The following HDAC9 variants were observed in gnomAD, a reference collection of about 807,000 sequenced individuals.
HDAC9 encodes histone deacetylase 9, also known as MEF-2 interacting transcription repressor (MITR) protein.
Under a neutral mutation model 139.4 loss-of-function variants are expected in HDAC9, and 41 were observed. That is an observed-to-expected ratio of 0.29 (90% confidence interval 0.23 to 0.38). HDAC9 has a LOEUF of 0.38. HDAC9 is among the 10% of genes least tolerant of loss of function. HDAC9 has a pLI of 1.00. For missense variants in HDAC9, 1,147 were observed against 1,297.0 expected (o/e 0.88, Z 1.78); for synonymous variants, 517 against 476.2 (o/e 1.09, Z -1.12).
At chr7:18,138,893 A>G (rs1355737987) in intron 1 of HDAC9, among the ~76,000 whole-genome samples, 1 of 152,118 alleles carries the variant, frequency 6.6e-6, no homozygotes, top group East Asian at 1.9e-4. Flanking sequence ...GGCACTCTAG[A>G]ATAATGATTC....
intron 2 of HDAC9, among the ~76,000 whole-genome samples, chr7:18,506,779 T>C (rs1799904031): frequency 6.6e-6 from 1 of 152,198 alleles, no homozygotes; most frequent in African/African-American, 2.4e-5. Flanking sequence ...ATACTGTCAT[T>C]ATAATGCACT....
chr7:18,947,821 AAT>A (rs1188721265), intron 23 of HDAC9, among the ~76,000 whole-genome samples: 1 of 152,014 alleles, frequency 6.6e-6, no homozygotes, highest in African/African-American at 2.4e-5. Context: ...ATTATAAGAG[AAT>A]ATTTCTCATA....
intron 22 of HDAC9, among the ~76,000 whole-genome samples, chr7:18,875,486 T>G (rs1021073285): frequency 3.2e-4 from 48 of 152,230 alleles, no homozygotes; most frequent in African/African-American, 1.1e-3. Flanking sequence ...ATCAAAGAAA[T>G]AGCGTCATGC....
chr7:18,630,715 C>T (rs144298677), intron 7 of HDAC9, among the ~76,000 whole-genome samples: 8 of 152,040 alleles, frequency 5.3e-5, no homozygotes, highest in South Asian at 4.2e-4. Flanking sequence ...CTAATTTAGA[C>T]GAATTGAATT....
At chr7:18,090,187 A>T (rs1782055196) in intron 1 of HDAC9, among the ~76,000 whole-genome samples, 1 of 152,218 alleles carries the variant, frequency 6.6e-6, no homozygotes, top group African/African-American at 2.4e-5. Context: ...ACGTTACACC[A>T]TAGTGAATCA....
chr7:18,318,341 T>A (rs553722302), intron 1 of HDAC9, among the ~76,000 whole-genome samples: 3 of 152,210 alleles, frequency 2.0e-5, no homozygotes, highest in Non-Finnish European at 4.4e-5. Flanking sequence ...ATGAAATCCT[T>A]TCCATCTTGG....
At chr7:18,904,736 C>T (rs1054163542) in intron 22 of HDAC9, among the ~76,000 whole-genome samples, 2 of 151,704 alleles carry the variant, frequency 1.3e-5, no homozygotes, top group African/African-American at 2.4e-5. Flanking sequence ...CCACCACGCC[C>T]GGCTAATTTT....
At chr7:18,798,993 G>A (rs12531908) in intron 17 of HDAC9, among the ~76,000 whole-genome samples, 97,794 of 150,680 alleles carry the variant, frequency 0.65, 32,525 homozygotes, top group Non-Finnish European at 0.72. Flanking sequence ...GTGAAGGTCC[G>A]GGTAGAGTTG....
At chr7:18,261,711 A>C (rs912218480) in intron 2 of HDAC9, among the ~76,000 whole-genome samples, 4 of 152,234 alleles carry the variant, frequency 2.6e-5, no homozygotes, top group African/African-American at 9.6e-5. Flanking sequence ...ATTAACACCA[A>C]GAAGATAAAT....
chr7:18,691,415 C>T (rs1782665348), intron 12 of HDAC9, among the ~76,000 whole-genome samples: 1 of 151,886 alleles, frequency 6.6e-6, no homozygotes, highest in Non-Finnish European at 1.5e-5. Context: ...CATTTAAGTA[C>T]CAAAGAGTAG....
At chr7:18,987,528 C>G (rs906543001) in intron 25 of HDAC9, among the ~76,000 whole-genome samples, 33 of 152,148 alleles carry the variant, frequency 2.2e-4, no homozygotes, top group South Asian at 8.3e-4. Flanking sequence ...CTAAAATTCT[C>G]TTTTTTGGTT....
intron 22 of HDAC9, among the ~76,000 whole-genome samples, chr7:18,909,866 G>T (rs1802591797): frequency 1.3e-5 from 2 of 151,988 alleles, no homozygotes; most frequent in Admixed American, 6.6e-5. Context: ...TAGGCTTGTA[G>T]TATATTTTGA....
At chr7:18,622,569 G>A (rs984898685) in intron 6 of HDAC9, among the ~76,000 whole-genome samples, 4 of 151,968 alleles carry the variant, frequency 2.6e-5, no homozygotes, top group East Asian at 1.9e-4. Context: ...TGATCTGCCC[G>A]CCTTGGCCTC....
Position 18,110,416 on chromosome 7 carries a change from C to T in HDAC9, c.-97+23203C>T, listed in dbSNP as rs529260328. On this transcript the variant is annotated intron_variant, in intron 1 of 12. Coordinates refer to the HDAC9 transcript ENST00000417496. The stretch of plus-strand genomic sequence containing the variant: ...TCAAGAAAAGTGGCAAGGATACTTA[C>T]GATGAACCTTGAATACCACATGAAC... Among the ~76,000 whole-genome samples, 288 of 152,236 alleles carry T rather than the reference C, an allele frequency of 1.9e-3. 1 individual carries two copies. The highest frequency in any genetic ancestry group is 6.2e-3 in the South Asian group (30 of 4,812).
intron 1 of HDAC9, among the ~76,000 whole-genome samples, chr7:18,139,531 A>G (rs79888902): frequency 0.18 from 27,501 of 152,020 alleles, 2,737 homozygotes; most frequent in South Asian, 0.34. Flanking sequence ...TTTCCGTGTC[A>G]GGGAAAAGTA....
intron 17 of HDAC9, chr7:18,808,091 AC>A (rs1426227979): frequency 6.6e-6 from 1 of 152,140 alleles, no homozygotes; most frequent in Non-Finnish European, 1.5e-5. Flanking sequence ...CTACTTGTGT[AC>A]CCTTGATCAC....
chr7:18,924,604 G>A (rs1025541729), intron 22 of HDAC9, among the ~76,000 whole-genome samples: 1 of 152,118 alleles, frequency 6.6e-6, no homozygotes, highest in Non-Finnish European at 1.5e-5. Flanking sequence ...GAAGGCAGCG[G>A]TTTTGTTTTT....
chr7:18,965,864 T>C (rs1006707078), intron 24 of HDAC9, among the ~76,000 whole-genome samples: 1 of 152,180 alleles, frequency 6.6e-6, no homozygotes, highest in Non-Finnish European at 1.5e-5. Context: ...GAAATGAGGT[T>C]GTGTGCACTC....
intron 1 of HDAC9, among the ~76,000 whole-genome samples, chr7:18,384,039 G>A (rs747243524): frequency 4.6e-5 from 7 of 152,154 alleles, no homozygotes; most frequent in Non-Finnish European, 8.8e-5. Context: ...GGCCAGGCAT[G>A]GTGGCTCATG....
Sources: allele counts gnomAD v4.1 joint callset (sites outside exome capture counted in the v4.1 genomes callset), GRCh38; gene constraint gnomAD v4.1.1; transcripts MANE v1.5; gene names NCBI Gene and HGNC (gene_info 2026-07-23, HGNC 2026-07-21).